The following ZSCAN1 variants were observed in gnomAD, a reference collection of about 807,000 sequenced individuals.
The protein encoded by ZSCAN1 is zinc finger and SCAN domain-containing protein 1.
In ZSCAN1, 23 loss-of-function variants were observed where a neutral mutation model predicts 23.8. The observed-to-expected ratio is 0.97, with a 90% CI of 0.70 to 1.37. ZSCAN1 has a LOEUF of 1.37. ZSCAN1 is among the 40% of genes most tolerant of loss of function. The pLI is 0.00. For missense variants in ZSCAN1, 575 were observed against 554.0 expected (o/e 1.04, Z -0.38); for synonymous variants, 236 against 232.3 (o/e 1.02, Z -0.15).
rs2073784909 is a variant in ZSCAN1, at chr19:58,040,989, G to A, written c.465+445G>A. 6.6e-6 allele frequency among the ~76,000 whole-genome samples: 1 copy of A among 152,196 alleles called. No individual in the cohort carries two copies. Among genetic ancestry groups the A allele is most frequent in the Non-Finnish European group, 1.5e-5 (1 of 68,032 alleles). On this transcript the variant is annotated intron_variant, in intron 4 of 5. Coordinates refer to ENST00000282326, the MANE Select transcript of ZSCAN1 (RefSeq NM_182572.4). The surrounding 1 kb of genome is among the most constrained non-coding windows in gnomAD (Gnocchi z 5.8). ...GCGCAGGCCTCAAGGCGACGGGAGGGGCCCGGCTCGGTTGGGAGCCAAGCG... is the reference window on the plus strand; with the variant it reads ...GCGCAGGCCTCAAGGCGACGGGAGGAGCCCGGCTCGGTTGGGAGCCAAGCG...
At position 58,054,068 on chromosome 19, in the gene ZSCAN1, C is replaced by G; in HGVS notation, c.*17C>G. On this transcript the variant is annotated 3_prime_UTR_variant, in exon 6 of 6. Transcript: ENST00000282326. The surrounding 1 kb of genome is among the most constrained non-coding windows in gnomAD (Gnocchi z 4.2). Reference sequence around the variant, plus strand: ...CACATGTGAATGGCCAGCCTCGGGCCTCGGCCACCCGGCCCTGAGTCCCTG... The same window carrying G: ...CACATGTGAATGGCCAGCCTCGGGCGTCGGCCACCCGGCCCTGAGTCCCTG... 1 of 1,476,598 alleles carries G rather than the reference C, an allele frequency of 6.8e-7. No individual in the cohort carries two copies. The highest frequency in any genetic ancestry group is 9.0e-7 in the Non-Finnish European group (1 of 1,115,928). The allele number at this position is 1,476,598 out of a possible 1,614,324, so 91.5% of individuals were successfully genotyped here. A position where few individuals can be genotyped will look rare whatever the true frequency, so the allele number is the denominator to read the frequency against.
chr19:58,054,228 G>A lies in ZSCAN1; in HGVS notation c.*177G>A. The A allele has an allele frequency of 2.5e-6, 2 of 792,838 alleles. No individual in the cohort carries two copies. The highest frequency in any genetic ancestry group is 2.8e-5 in the East Asian group (1 of 36,266). 49.1% of individuals were successfully genotyped at this position (792,838 alleles called of 1,614,324 possible). ...GACACCTGCTCCGAAGCCAAGCACG[G>A]GATGGGGCTTCCCAGGGTCTCAGCT... On this transcript the variant is annotated 3_prime_UTR_variant, in exon 6 of 6. Coordinates refer to ENST00000282326, the MANE Select transcript of ZSCAN1 (RefSeq NM_182572.4). This position sits in a 1 kb window ranked among gnomAD's most constrained non-coding sequence, Gnocchi z 4.2.
At chr19:58,042,883 C>T (rs959966104) in intron 4 of ZSCAN1, among the ~76,000 whole-genome samples, 8 of 152,220 alleles carry the variant, frequency 5.3e-5, no homozygotes, top group Non-Finnish European at 2.9e-5. Context: ...AGAGGATCCT[C>T]GTTGGCGCTG....
At chr19:58,037,319 G>T (rs2073744551) in intron 2 of ZSCAN1, among the ~76,000 whole-genome samples, 1 of 152,130 alleles carries the variant, frequency 6.6e-6, no homozygotes, top group African/African-American at 2.4e-5. Context: ...CCACGGGGCA[G>T]GCATTCTTGT....
rs1349994197 is a variant in ZSCAN1, at chr19:58,037,832, G to C, written c.-5G>C. On this transcript the variant is annotated 5_prime_UTR_variant, in exon 3 of 6. Transcript: ENST00000282326. ...ACCCCTCAGAGGGGCACTGTGGCCAGAGAAATGCTTCCACGGCCCAAAGCC... is the reference window on the plus strand; with the variant it reads ...ACCCCTCAGAGGGGCACTGTGGCCACAGAAATGCTTCCACGGCCCAAAGCC... 6.8e-7 allele frequency: 1 copy of C among 1,472,468 alleles called. No homozygotes were observed. The highest frequency in any genetic ancestry group is 9.0e-7 in the Non-Finnish European group (1 of 1,113,096). 91.2% of individuals were successfully genotyped at this position (1,472,468 alleles called of 1,614,324 possible). A position where few individuals can be genotyped will look rare whatever the true frequency, so the allele number is the denominator to read the frequency against.
At chr19:58,037,676 TAC>T in intron 2 of ZSCAN1, 50 bp from the exon 3 acceptor site, 1 of 923,878 alleles carries the variant, frequency 1.1e-6, no homozygotes, top group East Asian at 2.8e-5. Flanking sequence ...GCATCCTGAG[TAC>T]AGAGGGCCAC....
chr19:58,039,642 C>T (rs2073770470), intron 3 of ZSCAN1, among the ~76,000 whole-genome samples: 1 of 152,034 alleles, frequency 6.6e-6, no homozygotes, highest in Non-Finnish European at 1.5e-5. Context: ...TGGCGCGTGC[C>T]TATATTATAT....
intron 4 of ZSCAN1, among the ~76,000 whole-genome samples, chr19:58,043,161 G>C (rs2073801755): frequency 1.3e-5 from 2 of 152,266 alleles, no homozygotes; most frequent in Non-Finnish European, 2.9e-5. Context: ...GGGCAGCCCG[G>C]CTCGCCAGGA....
chr19:58,044,448 T>A, intron 4 of ZSCAN1: 1 of 375,448 alleles, frequency 2.7e-6, no homozygotes. Flanking sequence ...GGGCGCCTCC[T>A]GTCCGAGGCC....
chr19:58,039,572 G>C (rs1271323830), intron 3 of ZSCAN1, among the ~76,000 whole-genome samples: 2 of 152,202 alleles, frequency 1.3e-5, no homozygotes, highest in Non-Finnish European at 2.9e-5. Flanking sequence ...TTCGAGACTA[G>C]CCTGGCCAAC....
Position 58,036,012 on chromosome 19 carries a change from G to A in ZSCAN1, c.-110+1G>A, listed in dbSNP as rs2073732676. 1 of 152,216 alleles carries A rather than the reference G, an allele frequency of 6.6e-6. No individual in the cohort carries two copies. The highest frequency in any genetic ancestry group is 1.5e-5 in the Non-Finnish European group (1 of 68,034). The allele number at this position is 152,216 out of a possible 1,614,324, so 9.4% of individuals were successfully genotyped here. A position where few individuals can be genotyped will look rare whatever the true frequency, so the allele number is the denominator to read the frequency against. Reference sequence around the variant, plus strand: ...CACCATTTGGAGGAGATTCAGAGAAGTATGAACAGCACAAAGCACTTGGCC... The same window carrying A: ...CACCATTTGGAGGAGATTCAGAGAAATATGAACAGCACAAAGCACTTGGCC... On this transcript the variant is annotated splice_donor_variant, in intron 2 of 5. Coordinates refer to ENST00000282326, the MANE Select transcript of ZSCAN1 (RefSeq NM_182572.4). LOFTEE classifies it low-confidence loss of function (5UTR_SPLICE).
chr19:58,041,633 G>A (rs1293525097), intron 4 of ZSCAN1, among the ~76,000 whole-genome samples: 2 of 152,160 alleles, frequency 1.3e-5, no homozygotes, highest in Admixed American at 6.5e-5. Flanking sequence ...TTTGAGTGAG[G>A]CCTCACGGGA....
Position 58,038,186 on chromosome 19 carries a change from C to G in ZSCAN1, c.350C>G (p.Thr117Arg), listed in dbSNP as rs962410610. ...GCCGCCAGCCTGGTGGAGGACCTCA[C>G]ACAGATGTGCCAGCAGGAAGGTGAG... ...REAASLVEDL[T>R]QMCQQEVLVS... The change falls in exon 3 of 6, where the codon ACA (threonine) becomes AGA (arginine). Residue 117 changes from threonine to arginine, a missense_variant. Physicochemically the swap from Thr to Arg is moderately conservative, Grantham distance 71. Transcript: ENST00000282326. The G allele has an allele frequency of 2.5e-6, 4 of 1,606,672 alleles. No individual in the cohort carries two copies. Among genetic ancestry groups the G allele is most frequent in the Non-Finnish European group, 3.4e-6 (4 of 1,178,064 alleles).
intron 4 of ZSCAN1, among the ~76,000 whole-genome samples, chr19:58,043,306 C>A (rs2073802824): frequency 1.3e-5 from 2 of 152,244 alleles, no homozygotes; most frequent in Admixed American, 1.3e-4. Context: ...CACACCTACA[C>A]GCACAGCCCA....
rs893558583 is a variant in ZSCAN1 at position 58,047,417 on chromosome 19, C to T, written c.466-5073C>T. ...GAGCTCTTTCTTAACTTTCTATTTT[C>T]CCCCAATTCTTTAAGCAGTCGATTG... On this transcript the variant is annotated intron_variant, in intron 4 of 5. Transcript: ENST00000282326. The surrounding 1 kb of genome is among the most constrained non-coding windows in gnomAD (Gnocchi z 4.9). 6.6e-6 allele frequency among the ~76,000 whole-genome samples: 1 copy of T among 152,162 alleles called. No individual in the cohort carries two copies. The highest frequency in any genetic ancestry group is 1.5e-5 in the Non-Finnish European group (1 of 68,030).
At chr19:58,051,888 G>A (rs554634890) in intron 4 of ZSCAN1, among the ~76,000 whole-genome samples, 36 of 152,332 alleles carry the variant, frequency 2.4e-4, no homozygotes, top group African/African-American at 7.7e-4. Flanking sequence ...CCTCTGTTTC[G>A]AATTCTTGCT....
intron 4 of ZSCAN1, chr19:58,044,729 CG>C: frequency 1.3e-6 from 1 of 743,088 alleles, no homozygotes; most frequent in Non-Finnish European, 2.5e-6. Context: ...AGGAGCTGCC[CG>C]AAAGTTTCAT....
Position 58,045,378 on chromosome 19 carries a change from G to C in ZSCAN1, c.465+4834G>C. On this transcript the variant is annotated intron_variant, in intron 4 of 5. Transcript: ENST00000282326. The surrounding 1 kb of genome is among the most constrained non-coding windows in gnomAD (Gnocchi z 4.3). ...GCTGGAGCTAGCCGAGTTCCTCCAGGACACCATCCAGGAGATGGCCTTGAA... is the reference window on the plus strand; with the variant it reads ...GCTGGAGCTAGCCGAGTTCCTCCAGCACACCATCCAGGAGATGGCCTTGAA... 2.3e-6 allele frequency: 2 copies of C among 861,698 alleles called. No individual in the cohort carries two copies. The highest frequency in any genetic ancestry group is 4.1e-6 in the Non-Finnish European group (2 of 492,416). The allele number at this position is 861,698 out of a possible 1,614,324, so 53.4% of individuals were successfully genotyped here. A position where few individuals can be genotyped will look rare whatever the true frequency, so the allele number is the denominator to read the frequency against.
chr19:58,044,630 GC>G, intron 4 of ZSCAN1: 1 of 1,061,114 alleles, frequency 9.4e-7, no homozygotes, highest in Non-Finnish European at 1.4e-6. Flanking sequence ...CTGGGCGCCC[GC>G]CAGCCTCCCG....
Sources: allele counts gnomAD v4.1 joint callset (sites outside exome capture counted in the v4.1 genomes callset), GRCh38; gene constraint gnomAD v4.1.1; non-coding constraint Gnocchi (gnomAD v3.1); transcripts MANE v1.5; gene names NCBI Gene and HGNC (gene_info 2026-07-23, HGNC 2026-07-21).